Variants in EZR observed in about 807,000 individuals in gnomAD.
EZR encodes cytovillin 2.
EZR carries 40 observed loss-of-function variants against 74.8 expected under a neutral mutation model. That is an observed-to-expected ratio of 0.53 (90% CI 0.42 to 0.70). The LOEUF is 0.70. Among genes scored for constraint, EZR ranks in the 30% least tolerant of loss-of-function variants. EZR has a pLI of 0.00. For missense variants in EZR, 678 were observed against 755.8 expected, an observed-to-expected ratio of 0.90 and a Z score of 1.21; for synonymous variants, 341 against 283.3, an observed-to-expected ratio of 1.20 and a Z score of -2.05.
At chr6:158,797,709 A>G (rs1467584227) in intron 2 of EZR, among the ~76,000 whole-genome samples, 2 of 152,224 alleles carry the variant, frequency 1.3e-5, no homozygotes, top group Non-Finnish European at 2.9e-5. Flanking sequence ...CTTACAACCA[A>G]TGATAAATGA....
intron 2 of EZR, among the ~76,000 whole-genome samples, chr6:158,800,697 G>C (rs1452194010): frequency 6.6e-6 from 1 of 152,178 alleles, no homozygotes; most frequent in Admixed American, 6.5e-5. Context: ...AGATACACCA[G>C]GGAATAAGGC....
At chr6:158,812,667 A>C (rs1322164264) in intron 2 of EZR, among the ~76,000 whole-genome samples, 2 of 152,200 alleles carry the variant, frequency 1.3e-5, no homozygotes, top group African/African-American at 4.8e-5. Flanking sequence ...TAATGAAAGA[A>C]GGCAAGGACT....
intron 2 of EZR, among the ~76,000 whole-genome samples, chr6:158,805,337 GA>G (rs56269785): frequency 0.13 from 14,498 of 111,068 alleles, 523 homozygotes; most frequent in African/African-American, 0.21. Flanking sequence ...TCCATCTCAG[GA>G]AAAAAAAAAA....
At position 158,818,134 on chromosome 6, in the gene EZR, A is replaced by G; in HGVS notation, c.-41T>C. On this transcript the variant is annotated 5_prime_UTR_variant, in exon 2 of 14. Coordinates refer to ENST00000367075, the MANE Select transcript of EZR (RefSeq NM_001111077.2). ...AGTATCCTCGATCCCCGAAAACACG[A>G]CTATCCAGCAGCAGCGAAGACGCTG... 2.5e-6 allele frequency: 4 copies of G among 1,605,874 alleles called. No homozygotes were observed. Among genetic ancestry groups the G allele is most frequent in the Non-Finnish European group, 3.4e-6 (4 of 1,174,636 alleles).
intron 2 of EZR, among the ~76,000 whole-genome samples, chr6:158,805,134 C>T (rs1044542104): frequency 6.6e-6 from 1 of 151,706 alleles, no homozygotes; most frequent in Admixed American, 6.6e-5. Flanking sequence ...CGAGGTCAGG[C>T]GACCAAGACC....
At chr6:158,803,608 TATATATATATATATATACATATAC>T (rs1562504636) in intron 2 of EZR, among the ~76,000 whole-genome samples, 1 of 15,796 alleles carries the variant, frequency 6.3e-5, no homozygotes, top group East Asian at 1.2e-3. Context: ...TATATATACA[TATATATATATATATATACATATAC>T]ATACATATAT....
At position 158,769,311 on chromosome 6, in the gene EZR, C is replaced by T. The variant is rs1261669327; in HGVS notation, c.1344+15G>A. On this transcript the variant is annotated intron_variant, in intron 12 of 13. Coordinates refer to ENST00000367075, the MANE Select transcript of EZR (RefSeq NM_001111077.2). ...GTGCTGTGGCCGTGCGGAGGTGTCC[C>T]CCGTGCAGACTCACCCTGTGCTGCC... The T allele has an allele frequency of 1.9e-6, 3 of 1,606,716 alleles. No homozygotes were observed. The highest frequency in any genetic ancestry group is 1.7e-4 in the Middle Eastern group (1 of 6,012).
chr6:158,771,328 A>G lies in EZR; in HGVS notation c.875T>C (p.Met292Thr), dbSNP rs768786813. 6.2e-7 allele frequency: 1 copy of G among 1,614,172 alleles called. No individual in the cohort carries two copies. The highest frequency in any genetic ancestry group is 1.7e-5 in the Admixed American group (1 of 60,024). Residue 292 changes from methionine (M) to threonine (T), a missense_variant, in exon 9 of 14, where the codon ATG becomes ACG. By Grantham distance (81) the Met-to-Thr change is moderately conservative. Transcript: ENST00000367075. ...QLCMGNHELY[M>T]RRRKPDTIEV... ...GATGGTGTCAGGCTTCCTGCGGCGC[A>G]TATACAACTCATGGTTGCCCATGCA...
chr6:158,802,525 G>A (rs950760341), intron 2 of EZR, among the ~76,000 whole-genome samples: 2 of 152,026 alleles, frequency 1.3e-5, no homozygotes, highest in African/African-American at 4.8e-5. Context: ...TAGGTTTTTG[G>A]TGGTAGTGTT....
At chr6:158,778,069 G>A (rs1338299421) in intron 7 of EZR, among the ~76,000 whole-genome samples, 9 of 152,308 alleles carry the variant, frequency 5.9e-5, no homozygotes, top group Admixed American at 5.2e-4. Context: ...TCCTTACATT[G>A]AAAGGCTGTG....
chr6:158,782,215 A>G (rs1791451090), intron 7 of EZR, among the ~76,000 whole-genome samples: 1 of 152,004 alleles, frequency 6.6e-6, no homozygotes, highest in South Asian at 2.1e-4. Context: ...CGGAGGTGAG[A>G]GGAGGTTGGG....
In EZR at chr6:158,766,917, C is replaced by G. The variant is rs1275300864; in HGVS notation, c.1758G>C (p.Leu586=). The G allele has an allele frequency of 3.7e-6, 6 of 1,614,006 alleles. No homozygotes were observed. The highest frequency in any genetic ancestry group is 5.1e-6 in the Non-Finnish European group (6 of 1,179,944). The part of the protein sequence containing the change: ...TKQRIDEFEA[L] Reference sequence around the variant, plus strand: ...GCCCTTGGTCCTGGCCTGGCTGTTACAGGGCCTCGAACTCGTCGATGCGCT... The same window carrying G: ...GCCCTTGGTCCTGGCCTGGCTGTTAGAGGGCCTCGAACTCGTCGATGCGCT... Residue 586 remains leucine (L), a synonymous_variant, in exon 14 of 14, where the codon CTG becomes CTC. Transcript: ENST00000367075.
intron 9 of EZR, 64 bp from the exon 10 acceptor site, chr6:158,770,958 C>CA (rs1271204824): frequency 6.2e-7 from 1 of 1,609,628 alleles, no homozygotes; most frequent in African/African-American, 1.3e-5. Context: ...GGGGTCAACA[C>CA]ACTTCACGGG....
intron 8 of EZR, 67 bp downstream of exon 8, chr6:158,776,341 G>T: frequency 7.7e-7 from 1 of 1,297,822 alleles, no homozygotes; most frequent in Non-Finnish European, 1.1e-6. Flanking sequence ...AGTATAACTT[G>T]TCCGTTACCC....
intron 4 of EZR, among the ~76,000 whole-genome samples, chr6:158,786,207 A>G (rs955482768): frequency 3.9e-5 from 6 of 152,146 alleles, no homozygotes; most frequent in Non-Finnish European, 5.9e-5. Context: ...CCCCATCTCT[A>G]CTAAAAATAC....
chr6:158,783,672 T>C lies in EZR; in HGVS notation c.552-6A>G, dbSNP rs1791489091. The C allele has an allele frequency of 3.7e-6, 6 of 1,613,006 alleles. No individual in the cohort carries two copies. The highest frequency in any genetic ancestry group is 3.4e-6 in the Non-Finnish European group (4 of 1,179,462). Reference sequence around the variant, plus strand: ...ATTCCAACATAGCATTATCTCTAATTGGGGAGAGTGAAACAGGCAGAGTCA... The same window carrying C: ...ATTCCAACATAGCATTATCTCTAATCGGGGAGAGTGAAACAGGCAGAGTCA... On this transcript the variant is annotated splice_region_variant and splice_polypyrimidine_tract_variant and intron_variant, in intron 6 of 13. Coordinates refer to ENST00000367075, the MANE Select transcript of EZR (RefSeq NM_001111077.2).
intron 7 of EZR, among the ~76,000 whole-genome samples, chr6:158,781,957 G>T (rs1791444713): frequency 6.6e-6 from 1 of 151,638 alleles, no homozygotes; most frequent in South Asian, 2.1e-4. Context: ...ACGGGGTTTC[G>T]CCATGTTCCC....
Position 158,769,823 on chromosome 6 carries a change from C to T in EZR, c.1212G>A (p.Glu404=), listed in dbSNP as rs2128564769. 6.2e-7 allele frequency: 1 copy of T among 1,614,064 alleles called. No individual in the cohort carries two copies. The highest frequency in any genetic ancestry group is 8.5e-7 in the Non-Finnish European group (1 of 1,180,042). ...MAALRAKEEL[E]RQAVDQIKSQ... ...TCTTTATCTGATCCACCGCCTGTCTCTCCAGCTCCTCCTTAGCCCGCAGTG... is the reference window on the plus strand; with the variant it reads ...TCTTTATCTGATCCACCGCCTGTCTTTCCAGCTCCTCCTTAGCCCGCAGTG... The change falls in exon 11 of 14, where the codon GAG becomes GAA. Residue 404 remains glutamate, a synonymous_variant. Coordinates refer to ENST00000367075, the MANE Select transcript of EZR (RefSeq NM_001111077.2).
intron 2 of EZR, among the ~76,000 whole-genome samples, chr6:158,799,643 T>C (rs952744703): frequency 2.0e-5 from 3 of 152,250 alleles, no homozygotes; most frequent in Non-Finnish European, 2.9e-5. Context: ...ATGACAGACA[T>C]TGGTCGTTTT....
Sources: gnomAD v4.1 joint callset for allele counts (sites outside exome capture counted in the v4.1 genomes callset) on GRCh38, gnomAD v4.1.1 for gene constraint, MANE v1.5 for transcripts, NCBI Gene and HGNC (gene_info 2026-07-23, HGNC 2026-07-21) for gene names.